ST6GAL1: variants seen among roughly 807,000 people sequenced by gnomAD.
ST6GAL1 encodes the protein ST6 beta-galactoside alpha-2,6-sialyltransferase 1, also known as beta-galactoside alpha-2,6-sialyltransferase 1.
A neutral mutation model predicts 38.0 loss-of-function variants in ST6GAL1; 20 were observed. That is an observed-to-expected ratio of 0.53 (90% confidence interval 0.37 to 0.77). The LOEUF (loss-of-function observed/expected upper bound fraction) is 0.77. Among genes scored for constraint, ST6GAL1 ranks in the 30% least tolerant of loss-of-function variants. The pLI is 0.00. For synonymous variants in ST6GAL1, 196 were observed against 188.2 expected (o/e 1.04, Z -0.34); for missense variants, 432 against 496.4 (o/e 0.87, Z 1.23).
chr3:187,042,755 C>A lies in ST6GAL1; in HGVS notation c.52C>A (p.Leu18Ile). 1 of 1,614,100 alleles carries A rather than the reference C, an allele frequency of 6.2e-7. No homozygotes were observed. The highest frequency in any genetic ancestry group is 8.5e-7 in the Non-Finnish European group (1 of 1,179,996). Residue 18 changes from leucine to isoleucine, a missense_variant, in exon 4 of 8, where the codon CTT (leucine) becomes ATT (isoleucine). Transcript: ENST00000169298. ...GTTCAGCTGCTGCGTCCTGGTCTTT[C>A]TTCTGTTTGCAGTCATCTGTGTGTG... The part of the protein sequence containing the change: ...KKFSCCVLVF[L>I]LFAVICVWKE...
intron 2 of ST6GAL1, among the ~76,000 whole-genome samples, chr3:187,013,603 G>A (rs1717025575): frequency 6.6e-6 from 1 of 152,076 alleles, no homozygotes; most frequent in African/African-American, 2.4e-5. Flanking sequence ...TTTTGTTTTT[G>A]AGACAGGGTC....
At chr3:187,067,096 TTTTTTTTTTTTG>T (rs1230255642) in intron 5 of ST6GAL1, among the ~76,000 whole-genome samples, 173 of 98,194 alleles carry the variant, frequency 1.8e-3, no homozygotes, top group Non-Finnish European at 2.5e-3. Flanking sequence ...TTTTTTTTTT[TTTTTTTTTTTTG>T]GAGACAGAGT....
rs571626278 is a variant in ST6GAL1, at chr3:186,977,397, G to C, written c.-183+13471G>C. ...AAGCCCCAGGGAGAATTTGGACTCA[G>C]TGTTTTCACTTGTCATTTTAGACTG... On this transcript the variant is annotated intron_variant, in intron 2 of 7. Transcript: ENST00000169298. Among the ~76,000 whole-genome samples, 174 of 152,326 alleles carry C rather than the reference G, an allele frequency of 1.1e-3. No individual in the cohort carries two copies. In the Middle Eastern group the frequency reaches 0.014, roughly 12 times the overall value.
intron 5 of ST6GAL1, among the ~76,000 whole-genome samples, chr3:187,068,993 C>T (rs1346861178): frequency 6.6e-6 from 1 of 152,174 alleles, no homozygotes; most frequent in East Asian, 1.9e-4. Context: ...GACTATAGAC[C>T]TGAAGGGCTG....
At chr3:186,966,290 C>G (rs1027437050) in intron 2 of ST6GAL1, among the ~76,000 whole-genome samples, 1 of 152,148 alleles carries the variant, frequency 6.6e-6, no homozygotes, top group Non-Finnish European at 1.5e-5. Flanking sequence ...TGATGGTTCC[C>G]GGCACAGTGT....
intron 1 of ST6GAL1, 51 bp downstream of exon 1, chr3:186,930,885 GA>G (rs1713717103): frequency 6.5e-6 from 1 of 153,212 alleles, no homozygotes; most frequent in Non-Finnish European, 1.5e-5. Context: ...ATCCCGGGAG[GA>G]GTGTGATGCA....
chr3:187,041,559 A>G (rs2268531), intron 3 of ST6GAL1, among the ~76,000 whole-genome samples: 27,496 of 152,176 alleles, frequency 0.18, 2,630 homozygotes, highest in Admixed American at 0.29. Flanking sequence ...TTCAGTCTCT[A>G]TTTGCTCAGT....
chr3:187,071,747 C>T (rs1159134760), intron 5 of ST6GAL1, among the ~76,000 whole-genome samples: 12 of 129,940 alleles, frequency 9.2e-5, no homozygotes, highest in South Asian at 2.5e-4. Context: ...GCGACACAGG[C>T]TGTGTCGCCT....
intron 2 of ST6GAL1, among the ~76,000 whole-genome samples, chr3:187,005,253 GTTTCTT>G (rs1247562325): frequency 1.4e-5 from 2 of 142,468 alleles, no homozygotes; most frequent in African/African-American, 2.6e-5. Flanking sequence ...TGTCATCCAT[GTTTCTT>G]TTTCTTTTTC....
In ST6GAL1 at chr3:186,952,808, C is replaced by T. The variant is rs1714627294; in HGVS notation, c.-324-10977C>T. ...ATTCAACCATCTACTTGACAAGTTT[C>T]CTTAGACATCTAATATACATCTCAA... On this transcript the variant is annotated intron_variant, in intron 1 of 7. Transcript: ENST00000169298. The surrounding 1 kb of genome is among the most constrained non-coding windows in gnomAD (Gnocchi z 4.1). Among the ~76,000 whole-genome samples the T allele has an allele frequency of 6.6e-6, 1 of 152,200 alleles. No homozygotes were observed. The highest frequency in any genetic ancestry group is 1.5e-5 in the Non-Finnish European group (1 of 68,040).
chr3:187,014,278 A>G (rs551701529), intron 2 of ST6GAL1, among the ~76,000 whole-genome samples: 64 of 152,248 alleles, frequency 4.2e-4, no homozygotes, highest in Non-Finnish European at 8.4e-4. Flanking sequence ...TCTGACTCCA[A>G]GTCTTGGTGC....
intron 1 of ST6GAL1, among the ~76,000 whole-genome samples, chr3:186,946,528 A>G (rs375816319): frequency 6.6e-6 from 1 of 152,062 alleles, no homozygotes; most frequent in African/African-American, 2.4e-5. Flanking sequence ...TACAGGTCTG[A>G]GCCACTGCTC....
chr3:186,954,184 G>T, intron 1 of ST6GAL1, among the ~76,000 whole-genome samples: 1 of 152,204 alleles, frequency 6.6e-6, no homozygotes, highest in East Asian at 1.9e-4. Flanking sequence ...TGGCTGCATA[G>T]TATTCCGTGG....
chr3:187,033,425 A>G (rs904559102), intron 2 of ST6GAL1, among the ~76,000 whole-genome samples: 5 of 152,192 alleles, frequency 3.3e-5, no homozygotes, highest in African/African-American at 1.2e-4. Context: ...AAAGAATAAA[A>G]TAATAAAGGA....
chr3:186,972,090 A>G (rs1289449678), intron 2 of ST6GAL1, among the ~76,000 whole-genome samples: 1 of 152,156 alleles, frequency 6.6e-6, no homozygotes, highest in Non-Finnish European at 1.5e-5. Flanking sequence ...CCCCATGACA[A>G]CCCTAAGAAT....
chr3:187,074,301 T>G lies in ST6GAL1; in HGVS notation c.947T>G (p.Ile316Ser). 7 of 1,602,576 alleles carry G rather than the reference T, an allele frequency of 4.4e-6. No homozygotes were observed. Among genetic ancestry groups the G allele is most frequent in the Non-Finnish European group, 6.0e-6 (7 of 1,174,876 alleles). The change falls in exon 7 of 8, where the codon ATT (isoleucine) becomes AGT (serine). Residue 316 changes from isoleucine to serine, a missense_variant. By Grantham distance (142) the Ile-to-Ser change is moderately radical. Coordinates refer to ENST00000169298, the MANE Select transcript of ST6GAL1 (RefSeq NM_173216.2). ...CTTCAAGAAATCTCCCCAGAAGAGA[T>G]TCAGCCAAACCCCCCATCCTCTGGG... ...DILQEISPEEIQPNPPSSGML... is the reference protein window; with the variant it reads ...DILQEISPEESQPNPPSSGML...
chr3:186,937,871 G>A (rs1290327664), intron 1 of ST6GAL1, among the ~76,000 whole-genome samples: 1 of 152,128 alleles, frequency 6.6e-6, no homozygotes. Context: ...TCAGGAGTTC[G>A]AGACCAGCCT....
At chr3:186,931,274 T>G (rs1001125870) in intron 1 of ST6GAL1, 1 of 145,616 alleles carries the variant, frequency 6.9e-6, no homozygotes, top group Non-Finnish European at 1.5e-5. Context: ...CCCGGAGAGC[T>G]GGACGCACTG....
intron 2 of ST6GAL1, among the ~76,000 whole-genome samples, chr3:186,971,184 G>A (rs528009259): frequency 3.3e-5 from 5 of 152,228 alleles, no homozygotes; most frequent in Admixed American, 2.0e-4. Context: ...CACCTCCCGG[G>A]TTCAAGCGAT....
Sources: allele counts gnomAD v4.1 joint callset (sites outside exome capture counted in the v4.1 genomes callset), GRCh38; gene constraint gnomAD v4.1.1; non-coding constraint Gnocchi (gnomAD v3.1); transcripts MANE v1.5; gene names NCBI Gene and HGNC (gene_info 2026-07-23, HGNC 2026-07-21).